Variants in MYO16 observed in about 807,000 individuals in gnomAD.
The protein encoded by MYO16 is unconventional myosin-XVI.
Under a neutral mutation model 205.3 loss-of-function variants are expected in MYO16, and 94 were observed. That is an observed-to-expected ratio of 0.46 (90% CI 0.39 to 0.54). The LOEUF is 0.54. Among genes scored for constraint, MYO16 ranks in the 20% least tolerant of loss-of-function variants. The probability of loss-of-function intolerance (pLI) is 0.00; values close to 1 mark genes in which losing one functional copy is unlikely to be tolerated. For missense variants in MYO16, 2,315 were observed against 2,387.5 expected (o/e 0.97, Z 0.63); for synonymous variants, 988 against 954.0 (o/e 1.04, Z -0.66).
In MYO16 at chr13:108,775,103, A is replaced by C. The variant is rs1484776917; in HGVS notation, c.508-10532A>C. Among the ~76,000 whole-genome samples, 4 of 152,314 alleles carry C rather than the reference A, an allele frequency of 2.6e-5. No individual in the cohort carries two copies. In the East Asian group the frequency reaches 7.7e-4, roughly 29 times the overall value. On this transcript the variant is annotated intron_variant, in intron 4 of 34. Transcript: ENST00000457511. Reference sequence around the variant, plus strand: ...TCTCATCCTCTGAAATAAAACAACCATGTGTATGGTCAAATACACACACCA... The same window carrying C: ...TCTCATCCTCTGAAATAAAACAACCCTGTGTATGGTCAAATACACACACCA...
intron 34 of MYO16, among the ~76,000 whole-genome samples, chr13:109,186,248 A>C (rs1012321372): frequency 6.6e-6 from 1 of 152,190 alleles, no homozygotes; most frequent in Admixed American, 6.5e-5. Context: ...ACTTAGTGCA[A>C]AATTATACTC....
chr13:108,722,304 A>C (rs1249254734), intron 3 of MYO16, among the ~76,000 whole-genome samples: 1 of 152,196 alleles, frequency 6.6e-6, no homozygotes, highest in African/African-American at 2.4e-5. Flanking sequence ...ATTGGGAGGA[A>C]TATTTCCTGG....
rs1880625698 is a variant in MYO16, at chr13:109,206,987, C to T, written c.*151C>T. ...CACAGACACTAAATATATGAGATCC[C>T]GTGTGTGTGTGTGTGTGTTTGTGTG... is the stretch of plus-strand genomic sequence containing the variant. On this transcript the variant is annotated 3_prime_UTR_variant, in exon 35 of 35. Transcript: ENST00000457511. 3.5e-6 allele frequency: 2 copies of T among 571,666 alleles called. No homozygotes were observed. The highest frequency in any genetic ancestry group is 2.9e-5 in the East Asian group (1 of 34,324). The allele number at this position is 571,666 out of a possible 1,614,324, so 35.4% of individuals were successfully genotyped here.
At chr13:108,693,450 C>A (rs1012901994) in intron 2 of MYO16, among the ~76,000 whole-genome samples, 2 of 152,096 alleles carry the variant, frequency 1.3e-5, no homozygotes, top group Admixed American at 1.3e-4. Flanking sequence ...TGTGAATTTC[C>A]CTACTTTTGA....
chr13:109,012,205 G>A (rs192644935), intron 22 of MYO16, among the ~76,000 whole-genome samples: 15 of 152,276 alleles, frequency 9.9e-5, no homozygotes, highest in Non-Finnish European at 2.1e-4. Context: ...TTATTCAATA[G>A]TCGTCTAAAC....
chr13:108,759,348 A>T (rs1015944667), intron 4 of MYO16, among the ~76,000 whole-genome samples: 4 of 152,212 alleles, frequency 2.6e-5, no homozygotes, highest in African/African-American at 7.2e-5. Context: ...TGCTGTATTT[A>T]TAATACTATT....
At chr13:108,876,032 CT>C (rs1216324313) in intron 12 of MYO16, among the ~76,000 whole-genome samples, 1 of 152,084 alleles carries the variant, frequency 6.6e-6, no homozygotes, top group Admixed American at 6.6e-5. Flanking sequence ...GAGTCTAAGT[CT>C]ATGTTGGACT....
the MYO16 span, among the ~76,000 whole-genome samples, chr13:108,588,854 G>A: frequency 6.6e-6 from 1 of 152,158 alleles, no homozygotes; most frequent in Non-Finnish European, 1.5e-5. Context: ...CAGGTAACCT[G>A]AGAGATAAAT....
intron 21 of MYO16, among the ~76,000 whole-genome samples, chr13:109,000,788 TA>T (rs143592586): frequency 0.091 from 13,787 of 151,920 alleles, 689 homozygotes; most frequent in Middle Eastern, 0.1. Flanking sequence ...ATAATTTTTT[TA>T]ATATGTGTTT....
At chr13:108,657,934 AC>A in intron 1 of MYO16, among the ~76,000 whole-genome samples, 1 of 152,232 alleles carries the variant, frequency 6.6e-6, no homozygotes, top group East Asian at 1.9e-4. Flanking sequence ...AAAATAAGCC[AC>A]CCTTTCATTC....
the MYO16 span, among the ~76,000 whole-genome samples, chr13:108,523,973 G>A: frequency 3.9e-5 from 6 of 152,254 alleles, no homozygotes; most frequent in Non-Finnish European, 7.4e-5. Flanking sequence ...TCATGATAGC[G>A]AATGAGTTCT....
intron 23 of MYO16, among the ~76,000 whole-genome samples, chr13:109,022,947 A>C (rs936509993): frequency 7.4e-6 from 1 of 135,028 alleles, no homozygotes. Context: ...AAATATATGT[A>C]TACATTTATA....
chr13:108,596,998 C>T (rs370738106), intron 1 of MYO16, among the ~76,000 whole-genome samples: 116 of 152,196 alleles, frequency 7.6e-4, no homozygotes, highest in African/African-American at 2.5e-3. Flanking sequence ...ATCCTAAGTA[C>T]GCTGATTTGG....
In MYO16 at chr13:108,672,949, G is replaced by C. The variant is rs575170649; in HGVS notation, c.292+6800G>C. Among the ~76,000 whole-genome samples, 18 of 151,440 alleles carry C rather than the reference G, an allele frequency of 1.2e-4. No homozygotes were observed. The South Asian group carries it at 3.3e-3, about 28-fold the overall frequency. ...AAGTAACTGCTGATGTTATTATCTG[G>C]TGCCTTGCAGGTATGTTCTGCACTC... is the stretch of plus-strand genomic sequence containing the variant. On this transcript the variant is annotated intron_variant, in intron 2 of 34. Transcript: ENST00000457511.
At chr13:108,760,802 G>A (rs6492146) in intron 4 of MYO16, among the ~76,000 whole-genome samples, 74,053 of 151,790 alleles carry the variant, frequency 0.49, 19,543 homozygotes, top group East Asian at 0.63. Flanking sequence ...TTAATCAATC[G>A]CTTTTTATCT....
chr13:109,127,888 G>T lies in MYO16; in HGVS notation c.4051+338G>T, dbSNP rs1876344661. Among the ~76,000 whole-genome samples, 1 of 148,874 alleles carries T rather than the reference G, an allele frequency of 6.7e-6. No homozygotes were observed. On this transcript the variant is annotated intron_variant, in intron 31 of 34. Transcript: ENST00000457511. The surrounding 1 kb of genome is among the most constrained non-coding windows in gnomAD (Gnocchi z 4.2). ...AAAAAAAAAAAAAAAACTGCTTCAG[G>T]CATTCCAGTTATCACAATCTAATAA...
At chr13:108,898,394 A>G (rs1167541649) in intron 15 of MYO16, among the ~76,000 whole-genome samples, 1 of 83,582 alleles carries the variant, frequency 1.2e-5, no homozygotes, top group Non-Finnish European at 2.9e-5. Context: ...GTGTGTATAC[A>G]TACCTAGGAT....
At chr13:108,519,074 A>G in the MYO16 span, among the ~76,000 whole-genome samples, 1 of 152,222 alleles carries the variant, frequency 6.6e-6, no homozygotes, top group East Asian at 1.9e-4. Flanking sequence ...AAAATAGAAA[A>G]AAAAAGAAAT....
In MYO16 at chr13:108,930,616, C is replaced by CA. The variant is rs781090265; in HGVS notation, c.1925+20473dup. ...AGAAGTAAAAGGAGTATTTCACACACAAAAAAATTATGCTAAGTTCCCAAG... is the reference window on the plus strand; with the variant it reads ...AGAAGTAAAAGGAGTATTTCACACACAAAAAAAATTATGCTAAGTTCCCAAG... On this transcript the variant is annotated intron_variant, in intron 16 of 34. Coordinates refer to ENST00000457511, the MANE Select transcript of MYO16 (RefSeq NM_001198950.3). Among the ~76,000 whole-genome samples, 22 of 152,130 alleles carry CA rather than the reference C, an allele frequency of 1.4e-4. 1 individual carries two copies. In the East Asian group the frequency reaches 4.1e-3, roughly 28 times the overall value.
Sources: allele counts gnomAD v4.1 joint callset (sites outside exome capture counted in the v4.1 genomes callset), GRCh38; gene constraint gnomAD v4.1.1; non-coding constraint Gnocchi (gnomAD v3.1); transcripts MANE v1.5; gene names NCBI Gene and HGNC (gene_info 2026-07-23, HGNC 2026-07-21).